CD300LD: variants seen among roughly 807,000 people sequenced by gnomAD.
CD300LD encodes the protein CD300 molecule like family member d.
CD300LD carries 18 observed loss-of-function variants against 20.3 expected under a neutral mutation model. The observed-to-expected ratio is 0.89, with a 90% CI of 0.61 to 1.32. CD300LD has a LOEUF of 1.32. Ranked by LOEUF, CD300LD falls within the 40% of genes most tolerant of loss-of-function variation. CD300LD has a pLI of 0.00. For synonymous variants in CD300LD, 104 were observed against 90.1 expected (o/e 1.15, Z -0.87); for missense variants, 195 against 226.6 (o/e 0.86, Z 0.90).
chr17:74,587,310 C>T (rs1202282645), intron 2 of CD300LD, among the ~76,000 whole-genome samples: 1 of 152,144 alleles, frequency 6.6e-6, no homozygotes, highest in East Asian at 1.9e-4. Context: ...GTAGTTTGTG[C>T]CTTTCAAGGA....
intron 1 of CD300LD, among the ~76,000 whole-genome samples, chr17:74,589,388 G>A (rs577420073): frequency 2.0e-4 from 30 of 152,232 alleles, no homozygotes; most frequent in African/African-American, 6.3e-4. Flanking sequence ...TCTCCATTTC[G>A]CCATACAGTG....
intron 2 of CD300LD, 44 bp downstream of exon 2, chr17:74,588,467 G>T: frequency 7.5e-7 from 1 of 1,327,394 alleles, no homozygotes; most frequent in South Asian, 1.3e-5. Flanking sequence ...GACCAGGACA[G>T]AGCAGGACCT....
chr17:74,588,438 A>G (rs1473098789), intron 2 of CD300LD, 73 bp downstream of exon 2: 3 of 934,200 alleles, frequency 3.2e-6, no homozygotes, highest in Non-Finnish European at 5.0e-6. Flanking sequence ...CAGTTAATTT[A>G]CTCAAGTGGG....
chr17:74,586,108 A>C (rs2030152306), intron 2 of CD300LD, among the ~76,000 whole-genome samples: 1 of 152,214 alleles, frequency 6.6e-6, no homozygotes, highest in African/African-American at 2.4e-5. Context: ...GCGGCTACAG[A>C]AATGCTAACC....
At position 74,579,531 on chromosome 17, in the gene CD300LD, G is replaced by T. The variant is rs2029985921; in HGVS notation, c.*471C>A. On this transcript the variant is annotated 3_prime_UTR_variant, in exon 4 of 4. Coordinates refer to ENST00000375352, the MANE Select transcript of CD300LD (RefSeq NM_001115152.2). Reference sequence around the variant, plus strand: ...GCTGCAGGAGATAGGGGACTAGGAGGCTGTTCCCTGAAGCTGGGGCCAGCA... The same window carrying T: ...GCTGCAGGAGATAGGGGACTAGGAGTCTGTTCCCTGAAGCTGGGGCCAGCA... The T allele has an allele frequency of 6.3e-6, 1 of 157,884 alleles. No individual in the cohort carries two copies. The highest frequency in any genetic ancestry group is 1.9e-4 in the South Asian group (1 of 5,284). 9.8% of individuals were successfully genotyped at this position (157,884 alleles called of 1,614,324 possible). A position where few individuals can be genotyped will look rare whatever the true frequency, so the allele number is the denominator to read the frequency against.
chr17:74,582,963 A>G (rs1042809188), intron 2 of CD300LD, among the ~76,000 whole-genome samples: 4 of 152,252 alleles, frequency 2.6e-5, no homozygotes, highest in Non-Finnish European at 5.9e-5. Context: ...AAGAGATCAC[A>G]GCATCATATT....
At chr17:74,591,913 G>C in intron 1 of CD300LD, 2 of 1,006,142 alleles carry the variant, frequency 2.0e-6, no homozygotes, top group African/African-American at 3.3e-5. Flanking sequence ...ATATGGAACA[G>C]TCAGGGTTGA....
intron 3 of CD300LD, among the ~76,000 whole-genome samples, chr17:74,581,971 T>C (rs1411250853): frequency 6.6e-6 from 1 of 152,230 alleles, no homozygotes; most frequent in Non-Finnish European, 1.5e-5. Flanking sequence ...AACAGGGCTA[T>C]CAGAGTTAAC....
rs978350539 is a variant in CD300LD, at chr17:74,579,399, AAC to A, written c.*601_*602del. On this transcript the variant is annotated 3_prime_UTR_variant, in exon 4 of 4. Transcript: ENST00000375352. ...TACGGCATAGGTGCCTCTCGGGGGA[AAC>A]ACATTCTTCTCATGTTTTCTACTGC... 1 of 152,238 alleles carries A rather than the reference AAC, an allele frequency of 6.6e-6. No individual in the cohort carries two copies. The highest frequency in any genetic ancestry group is 2.4e-5 in the African/African-American group (1 of 41,434). The allele number at this position is 152,238 out of a possible 1,614,324, so 9.4% of individuals were successfully genotyped here.
At position 74,588,593 on chromosome 17, in the gene CD300LD, T is replaced by C; in HGVS notation, c.297A>G (p.Arg99=). The change falls in exon 2 of 4, where the codon AGA becomes AGG. Residue 99 remains arginine (R), a synonymous_variant. Transcript: ENST00000375352. ...CACACCAATAACTGTCAGCATCATC[T>C]CTTTTGAGATTCTCCATGGTCACGG... ...VFTVTMENLK[R]DDADSYWCGT... The C allele has an allele frequency of 6.2e-7, 1 of 1,614,146 alleles. No individual in the cohort carries two copies. Among genetic ancestry groups the C allele is most frequent in the East Asian group, 2.2e-5 (1 of 44,876 alleles).
At chr17:74,585,881 T>C (rs917219462) in intron 2 of CD300LD, among the ~76,000 whole-genome samples, 29 of 152,176 alleles carry the variant, frequency 1.9e-4, no homozygotes, top group African/African-American at 7.0e-4. Flanking sequence ...ACAGAGGATA[T>C]GCTGTTAGGT....
intron 3 of CD300LD, 29 bp from the exon 4 acceptor site, chr17:74,580,142 C>A: frequency 6.8e-7 from 1 of 1,476,726 alleles, no homozygotes; most frequent in Non-Finnish European, 9.4e-7. Flanking sequence ...AGGAAATGAG[C>A]TGCCTCCTGG....
chr17:74,580,110 G>T lies in CD300LD; in HGVS notation c.477C>A (p.Ser159=), dbSNP rs780260480. 6.2e-7 allele frequency: 1 copy of T among 1,605,370 alleles called. No individual in the cohort carries two copies. Among genetic ancestry groups the T allele is most frequent in the East Asian group, 2.2e-5 (1 of 44,670 alleles). Residue 159 remains serine (S), a synonymous_variant, in exon 4 of 4, where the codon TCC becomes TCA. Coordinates refer to ENST00000375352, the MANE Select transcript of CD300LD (RefSeq NM_001115152.2). ...ACAGGAAGTGGGTGCTCTTGAGCGG[G>T]GACCTGTGGGAACACGGTGACAGGA... The part of the protein sequence containing the change: ...TQKTSSPLTR[S]PLKSTHFLFL...
At chr17:74,584,371 C>T (rs1258606120) in intron 2 of CD300LD, among the ~76,000 whole-genome samples, 1 of 152,170 alleles carries the variant, frequency 6.6e-6, no homozygotes, top group African/African-American at 2.4e-5. Context: ...ACTTTTGTTA[C>T]AGGCCGAAAG....
chr17:74,582,363 C>T (rs898734876), intron 2 of CD300LD, 52 bp from the exon 3 acceptor site: 3 of 1,505,750 alleles, frequency 2.0e-6, no homozygotes, highest in Non-Finnish European at 2.7e-6. Flanking sequence ...TGGCCCAGCT[C>T]TGGCTGTGGC....
chr17:74,588,895 A>G, intron 1 of CD300LD, 46 bp from the exon 2 acceptor site: 1 of 1,422,688 alleles, frequency 7.0e-7, no homozygotes, highest in South Asian at 1.2e-5. Context: ...CCCCAAGGGC[A>G]GGGCCACAGC....
intron 1 of CD300LD, chr17:74,590,864 G>A (rs2030293908): frequency 6.6e-6 from 1 of 152,124 alleles, no homozygotes; most frequent in African/African-American, 2.4e-5. Context: ...AATCGCGTGA[G>A]CCCTGGAGCT....
chr17:74,579,138 C>T (rs2029977777), downstream of CD300LD, among the ~76,000 whole-genome samples: 1 of 152,256 alleles, frequency 6.6e-6, no homozygotes, highest in Admixed American at 6.5e-5. Flanking sequence ...TCCTGACTTC[C>T]CTTCCCCACA....
chr17:74,591,327 G>A (rs1375600613), intron 1 of CD300LD, among the ~76,000 whole-genome samples: 3 of 149,400 alleles, frequency 2.0e-5, no homozygotes, highest in Non-Finnish European at 4.4e-5. Flanking sequence ...AGATTGGAAG[G>A]AAAAATTTTC....
Sources: allele counts gnomAD v4.1 joint callset (sites outside exome capture counted in the v4.1 genomes callset), GRCh38; gene constraint gnomAD v4.1.1; transcripts MANE v1.5; gene names NCBI Gene and HGNC (gene_info 2026-07-23, HGNC 2026-07-21).